The following XPOT variants were observed in gnomAD, a reference collection of about 807,000 sequenced individuals.
XPOT encodes the protein exportin for tRNA.
XPOT carries 34 observed loss-of-function variants against 128.2 expected under a neutral mutation model. That is an observed-to-expected ratio of 0.27 (90% CI 0.20 to 0.35). The LOEUF is 0.35. XPOT is among the 10% of genes least tolerant of loss of function. The pLI is 1.00. For missense variants in XPOT, 838 were observed against 1,125.3 expected (o/e 0.74, Z 3.65); for synonymous variants, 348 against 394.3 (o/e 0.88, Z 1.39).
chr12:64,431,854 T>G (rs73120335), intron 18 of XPOT, 31 bp downstream of exon 18: 19,636 of 1,594,718 alleles, frequency 0.012, 149 homozygotes, highest in South Asian at 0.017. Context: ...TCTGAAAATC[T>G]CTTGAAGATC....
rs1281309727 is a variant in XPOT, at chr12:64,445,090, C to T, written c.2821C>T (p.Leu941Phe). The change falls in exon 24 of 25, where the codon CTT (leucine) becomes TTT (phenylalanine). Residue 941 changes from leucine to phenylalanine, a missense_variant. By Grantham distance (22) the Leu-to-Phe change is conservative (BLOSUM62 0). This residue lies in a region of XPOT where 56 missense variants were observed against 79.2 expected (regional missense o/e 0.71). Coordinates refer to ENST00000332707, the MANE Select transcript of XPOT (RefSeq NM_007235.6). The part of the protein sequence containing the change: ...PEIIQEFCQA[L>F]QQPDAKVFKN... ...CACCCCCCAGGAGTTTTGTCAAGCG[C>T]TTCAGCAGCCTGATGCTAAAGTTTT... 1 of 1,609,808 alleles carries T rather than the reference C, an allele frequency of 6.2e-7. No homozygotes were observed. Among genetic ancestry groups the T allele is most frequent in the East Asian group, 2.2e-5 (1 of 44,736 alleles).
At chr12:64,416,397 C>G (rs892355614) in intron 3 of XPOT, among the ~76,000 whole-genome samples, 4 of 152,158 alleles carry the variant, frequency 2.6e-5, no homozygotes, top group South Asian at 2.1e-4. Flanking sequence ...ATCTTAATAT[C>G]TGGAATTTAG....
intron 2 of XPOT, among the ~76,000 whole-genome samples, chr12:64,412,649 A>AACC (rs2040049609): frequency 6.6e-6 from 1 of 152,180 alleles, no homozygotes; most frequent in South Asian, 2.1e-4. Context: ...CAATACCAAC[A>AACC]ACCAACTCTC....
At chr12:64,431,883 A>G in intron 18 of XPOT, 60 bp downstream of exon 18, 1 of 1,535,154 alleles carries the variant, frequency 6.5e-7, no homozygotes, top group Non-Finnish European at 8.7e-7. Context: ...TTATCTTCAG[A>G]CATGTTTCGG....
At position 64,431,685 on chromosome 12, in the gene XPOT, T is replaced by C; in HGVS notation, c.2124T>C (p.Leu708=). 1 of 1,614,020 alleles carries C rather than the reference T, an allele frequency of 6.2e-7. No individual in the cohort carries two copies. The highest frequency in any genetic ancestry group is 8.5e-7 in the Non-Finnish European group (1 of 1,179,920). Residue 708 remains leucine, a synonymous_variant, in exon 18 of 25, where the codon CTT becomes CTC. Coordinates refer to ENST00000332707, the MANE Select transcript of XPOT (RefSeq NM_007235.6). The part of the protein sequence containing the change: ...DILRSGVRTF[L]HRMIICLEEE... Reference sequence around the variant, plus strand: ...TCAGAAGTGGAGTCCGTACTTTCCTTCATCGAATGATTATTTGCCTGGAGG... The same window carrying C: ...TCAGAAGTGGAGTCCGTACTTTCCTCCATCGAATGATTATTTGCCTGGAGG...
Position 64,421,306 on chromosome 12 carries a change from T to C in XPOT, c.915T>C (p.Ser305=), listed in dbSNP as rs1314303330. 8 of 1,613,978 alleles carry C rather than the reference T, an allele frequency of 5.0e-6. No individual in the cohort carries two copies. In the Middle Eastern group the frequency reaches 5.0e-4, roughly 100 times the overall value. The change falls in exon 9 of 25, where the codon AGT becomes AGC. Residue 305 remains serine, a synonymous_variant. Transcript: ENST00000332707. Reference sequence around the variant, plus strand: ...GAATGGGACAGTCATTGATAGTTAGTTGGAGTAAATTAATTAAGAATGGGG... The same window carrying C: ...GAATGGGACAGTCATTGATAGTTAGCTGGAGTAAATTAATTAAGAATGGGG... ...VNGMGQSLIV[S]WSKLIKNGDI...
intron 2 of XPOT, among the ~76,000 whole-genome samples, chr12:64,410,550 G>A (rs2136010779): frequency 6.6e-6 from 1 of 152,044 alleles, no homozygotes; most frequent in South Asian, 2.1e-4. Context: ...TCGAACTCCT[G>A]AGCTCAAGCG....
chr12:64,407,054 G>A (rs1205895038), intron 1 of XPOT, among the ~76,000 whole-genome samples: 4 of 152,070 alleles, frequency 2.6e-5, no homozygotes, highest in African/African-American at 9.7e-5. Flanking sequence ...GTTCTCTCAG[G>A]TTTTGTAAGT....
At chr12:64,446,229 A>G (rs867372844) in intron 24 of XPOT, among the ~76,000 whole-genome samples, 45 of 152,320 alleles carry the variant, frequency 3.0e-4, no homozygotes, top group South Asian at 2.1e-4. Context: ...TAGGTACCCT[A>G]TAGAAGGCTT....
chr12:64,418,105 T>G lies in XPOT; in HGVS notation c.260T>G (p.Leu87Arg). ...ATTAGGGAGACGCTCATATCATGGC[T>G]GCAAGCTCAGGTAAAATCATAATTT... ...QLIRETLISW[L>R]QAQMLNPQPE... The change falls in exon 5 of 25, where the codon CTG becomes CGG. Residue 87 changes from leucine (L) to arginine (R), a missense_variant. Coordinates refer to ENST00000332707, the MANE Select transcript of XPOT (RefSeq NM_007235.6). The G allele has an allele frequency of 6.2e-7, 1 of 1,613,206 alleles. No homozygotes were observed. The highest frequency in any genetic ancestry group is 8.5e-7 in the Non-Finnish European group (1 of 1,179,552).
chr12:64,435,635 T>C lies in XPOT; in HGVS notation c.2694T>C (p.Ser898=). 6.3e-7 allele frequency: 1 copy of C among 1,596,762 alleles called. No homozygotes were observed. Among genetic ancestry groups the C allele is most frequent in the South Asian group, 1.1e-5 (1 of 88,802 alleles). ...LADAQTVLAL[S]ECAVTLKTIH... ...AAACTTGTTTTTCACAGGCTTTATCTGAGTGTGCAGTGACACTGAAAACAA... is the reference window on the plus strand; with the variant it reads ...AAACTTGTTTTTCACAGGCTTTATCCGAGTGTGCAGTGACACTGAAAACAA... Residue 898 remains serine (S), a synonymous_variant, in exon 22 of 25, where the codon TCT becomes TCC. Transcript: ENST00000332707.
chr12:64,432,504 C>T (rs2040248551), intron 18 of XPOT, among the ~76,000 whole-genome samples: 1 of 152,178 alleles, frequency 6.6e-6, no homozygotes, highest in African/African-American at 2.4e-5. Context: ...CCTCGGCCTC[C>T]ATAAGTGCTA....
intron 16 of XPOT, among the ~76,000 whole-genome samples, chr12:64,428,330 T>C (rs1363377907): frequency 6.6e-6 from 1 of 152,136 alleles, no homozygotes; most frequent in Non-Finnish European, 1.5e-5. Context: ...TTTGGCAGCA[T>C]GGGGTATATT....
Position 64,450,131 on chromosome 12 carries a change from G to A in XPOT, c.*2000G>A, listed in dbSNP as rs972734433. ...ATGCTATCTCATATTAGCATATATG[G>A]AATTAATAGTGTATCACTATACTTT... On this transcript the variant is annotated 3_prime_UTR_variant, in exon 25 of 25. Coordinates refer to ENST00000332707, the MANE Select transcript of XPOT (RefSeq NM_007235.6). The A allele has an allele frequency of 6.6e-6, 1 of 151,994 alleles. No homozygotes were observed. Among genetic ancestry groups the A allele is most frequent in the African/African-American group, 2.4e-5 (1 of 41,378 alleles). 9.4% of individuals were successfully genotyped at this position (151,994 alleles called of 1,614,324 possible). A position where few individuals can be genotyped will look rare whatever the true frequency, so the allele number is the denominator to read the frequency against.
Position 64,407,589 on chromosome 12 carries a change from T to C in XPOT, c.-74-2373T>C, listed in dbSNP as rs141535081. On this transcript the variant is annotated intron_variant, in intron 1 of 24. Coordinates refer to ENST00000332707, the MANE Select transcript of XPOT (RefSeq NM_007235.6). ...AATCCAATTTGGGAGAGTTGGACAA[T>C]AGAGGTCAAAGAAGTGTTCTTGAAA... 2.7e-3 allele frequency among the ~76,000 whole-genome samples: 405 copies of C among 151,830 alleles called. 2 individuals are homozygous for C. The highest frequency in any genetic ancestry group is 9.5e-3 in the African/African-American group (392 of 41,370).
At chr12:64,422,631 GC>G (rs2040149285) in intron 9 of XPOT, among the ~76,000 whole-genome samples, 1 of 152,200 alleles carries the variant, frequency 6.6e-6, no homozygotes. Flanking sequence ...AGGCATAATG[GC>G]TGTCACCTGT....
In XPOT at chr12:64,405,534, T is replaced by A. The variant is rs534131848; in HGVS notation, c.-75+730T>A. 5.3e-5 allele frequency among the ~76,000 whole-genome samples: 8 copies of A among 152,348 alleles called. No individual in the cohort carries two copies. The South Asian group carries it at 1.4e-3, about 28-fold the overall frequency. ...TGGCTATCCAGGAAAAGTTAAGGCT[T>A]AATATTTTAAGTATGTTGCTTGCCT... On this transcript the variant is annotated intron_variant, in intron 1 of 24. Transcript: ENST00000332707.
Position 64,450,268 on chromosome 12 carries a change from C to T in XPOT, c.*2137C>T, listed in dbSNP as rs1302812085. 3 of 151,946 alleles carry T rather than the reference C, an allele frequency of 2.0e-5. No homozygotes were observed. The highest frequency in any genetic ancestry group is 4.4e-5 in the Non-Finnish European group (3 of 68,048). The allele number at this position is 151,946 out of a possible 1,614,324, so 9.4% of individuals were successfully genotyped here. On this transcript the variant is annotated 3_prime_UTR_variant, in exon 25 of 25. Transcript: ENST00000332707. Reference sequence around the variant, plus strand: ...CCATACTCTACCAATCCTCCTGCCTCAGCATCCAGACTAGCTGTGATTACA... The same window carrying T: ...CCATACTCTACCAATCCTCCTGCCTTAGCATCCAGACTAGCTGTGATTACA...
chr12:64,437,400 A>G (rs2040291942), intron 22 of XPOT, among the ~76,000 whole-genome samples: 1 of 152,204 alleles, frequency 6.6e-6, no homozygotes. Flanking sequence ...AAGAGGTGAT[A>G]TTTTTGATGG....
Sources: allele counts gnomAD v4.1 joint callset (sites outside exome capture counted in the v4.1 genomes callset), GRCh38; gene constraint gnomAD v4.1.1; regional missense constraint gnomAD v4.1.1; transcripts MANE v1.5; gene names NCBI Gene and HGNC (gene_info 2026-07-23, HGNC 2026-07-21).